The following APBB2 variants were observed in gnomAD, a reference collection of about 807,000 sequenced individuals.
APBB2 encodes amyloid beta precursor protein binding family B member 2.
Under a neutral mutation model 82.5 loss-of-function variants are expected in APBB2, and 38 were observed. The observed-to-expected ratio is 0.46, with a 90% CI of 0.36 to 0.60. The LOEUF is 0.60. APBB2 is among the 20% of genes least tolerant of loss of function. The pLI is 0.00. For missense variants in APBB2, 772 were observed against 972.3 expected (o/e 0.79, Z 2.74); for synonymous variants, 341 against 368.2 (o/e 0.93, Z 0.85).
chr4:41,165,817 C>G (rs1004555692), intron 1 of APBB2, among the ~76,000 whole-genome samples: 1 of 152,102 alleles, frequency 6.6e-6, no homozygotes, highest in African/African-American at 2.4e-5. Flanking sequence ...ACACGAACCC[C>G]TCCACCTGCT....
At chr4:40,861,325 G>A (rs1372888157) in intron 12 of APBB2, among the ~76,000 whole-genome samples, 1 of 151,596 alleles carries the variant, frequency 6.6e-6, no homozygotes, top group Non-Finnish European at 1.5e-5. Context: ...ACTCCAGCCT[G>A]GGTAACAGAA....
intron 6 of APBB2, among the ~76,000 whole-genome samples, chr4:40,979,147 T>C (rs1797890599): frequency 6.6e-6 from 1 of 152,236 alleles, no homozygotes; most frequent in African/African-American, 2.4e-5. Flanking sequence ...GAAGGCTATA[T>C]ACTTTTTTCT....
At chr4:41,194,666 AAAAT>A in intron 1 of APBB2, among the ~76,000 whole-genome samples, 1 of 143,112 alleles carries the variant, frequency 7.0e-6, no homozygotes, top group Admixed American at 6.7e-5. Context: ...CTTGCCTCAA[AAAAT>A]AAAATAAAAT....
intron 12 of APBB2, among the ~76,000 whole-genome samples, chr4:40,837,541 T>C (rs1180484207): frequency 6.6e-6 from 1 of 152,206 alleles, no homozygotes; most frequent in Non-Finnish European, 1.5e-5. Flanking sequence ...CAACAGCTTC[T>C]AGATTCCCAG....
chr4:40,861,197 A>C (rs894282023), intron 12 of APBB2, among the ~76,000 whole-genome samples: 2 of 152,020 alleles, frequency 1.3e-5, no homozygotes, highest in African/African-American at 4.8e-5. Flanking sequence ...CTAAAAATAC[A>C]AAATTAGCCG....
chr4:40,851,781 CA>C (rs1238492080), intron 12 of APBB2, among the ~76,000 whole-genome samples: 1 of 137,988 alleles, frequency 7.2e-6, no homozygotes, highest in African/African-American at 2.8e-5. Context: ...AAAGTTATCT[CA>C]AAACTCAAGT....
At chr4:40,995,162 T>C (rs1803297482) in intron 6 of APBB2, among the ~76,000 whole-genome samples, 1 of 152,196 alleles carries the variant, frequency 6.6e-6, no homozygotes, top group Non-Finnish European at 1.5e-5. Flanking sequence ...AACAAGCTTA[T>C]GCTTGGGTTT....
intron 1 of APBB2, among the ~76,000 whole-genome samples, chr4:41,156,342 T>C (rs1280446126): frequency 6.6e-6 from 1 of 152,212 alleles, no homozygotes; most frequent in African/African-American, 2.4e-5. Flanking sequence ...ATATCATTTT[T>C]AACATAAAAG....
intron 2 of APBB2, among the ~76,000 whole-genome samples, chr4:41,132,647 T>C (rs1368469073): frequency 6.6e-6 from 1 of 152,204 alleles, no homozygotes; most frequent in Non-Finnish European, 1.5e-5. Flanking sequence ...TCATTGTCCT[T>C]CAAATTACAT....
chr4:41,117,657 A>G (rs532722526), intron 2 of APBB2, among the ~76,000 whole-genome samples: 2 of 152,204 alleles, frequency 1.3e-5, no homozygotes, highest in East Asian at 3.9e-4. Flanking sequence ...GACTTGCCCA[A>G]GTCATAGGAT....
rs35548187 is a variant in APBB2 at position 40,912,578 on chromosome 4, T to TA, written c.1255-19168dup. Among the ~76,000 whole-genome samples, 387 of 124,850 alleles carry TA rather than the reference T, an allele frequency of 3.1e-3. 1 individual carries two copies. Among genetic ancestry groups the TA allele is most frequent in the East Asian group, 0.015 (62 of 4,086 alleles). The allele number at this position is 124,850 out of a possible 152,430, so 81.9% of individuals were successfully genotyped here. On this transcript the variant is annotated intron_variant, in intron 10 of 17. Transcript: ENST00000508593. ...GCTGACAGAGCAAGATTCCTTCTCATAAAAAAAAAAAAAAAGGACAGCTCA... is the reference window on the plus strand; with the variant it reads ...GCTGACAGAGCAAGATTCCTTCTCATAAAAAAAAAAAAAAAAGGACAGCTCA...
intron 5 of APBB2, among the ~76,000 whole-genome samples, chr4:41,018,160 T>C (rs1003431102): frequency 6.6e-6 from 1 of 152,048 alleles, no homozygotes; most frequent in East Asian, 1.9e-4. Flanking sequence ...CATAATCTTA[T>C]AGCTCCCTCC....
chr4:40,867,263 A>G (rs961931693), intron 12 of APBB2, among the ~76,000 whole-genome samples: 1 of 152,220 alleles, frequency 6.6e-6, no homozygotes, highest in Non-Finnish European at 1.5e-5. Context: ...CTTCTCCAGC[A>G]GAATGACCTT....
chr4:41,184,879 A>G (rs1772443153), intron 1 of APBB2, among the ~76,000 whole-genome samples: 1 of 152,232 alleles, frequency 6.6e-6, no homozygotes, highest in Admixed American at 6.5e-5. Context: ...CCAAACCTGC[A>G]TCACAGCTCA....
At chr4:40,884,998 C>A (rs752056481) in intron 12 of APBB2, among the ~76,000 whole-genome samples, 17 of 152,066 alleles carry the variant, frequency 1.1e-4, no homozygotes, top group Non-Finnish European at 2.5e-4. Context: ...TTCATCAAAA[C>A]CAGAAAAGAA....
chr4:41,012,754 T>A (rs1410939536), intron 6 of APBB2, among the ~76,000 whole-genome samples: 1 of 152,186 alleles, frequency 6.6e-6, no homozygotes, highest in African/African-American at 2.4e-5. Flanking sequence ...GGACTACTTT[T>A]AAAAAATTAG....
In APBB2 at chr4:40,917,381, G is replaced by C. The variant is rs573339367; in HGVS notation, c.1254+17075C>G. 4.6e-5 allele frequency among the ~76,000 whole-genome samples: 7 copies of C among 152,284 alleles called. No homozygotes were observed. In the South Asian group the frequency reaches 1.5e-3, roughly 32 times the overall value. On this transcript the variant is annotated intron_variant, in intron 10 of 17. Transcript: ENST00000508593. ...AAGGTCTCCCGGGCTGGAAGCAGCA[G>C]AGACGGGTGAACAGTGGGGTCCTCT...
At chr4:40,915,447 G>C (rs1779603732) in intron 10 of APBB2, among the ~76,000 whole-genome samples, 1 of 152,202 alleles carries the variant, frequency 6.6e-6, no homozygotes, top group Admixed American at 6.5e-5. Context: ...CGCAGAGCCT[G>C]ATCCTAGTGA....
intron 12 of APBB2, among the ~76,000 whole-genome samples, chr4:40,873,702 T>A (rs907638919): frequency 4.6e-5 from 7 of 152,358 alleles, no homozygotes; most frequent in African/African-American, 1.7e-4. Flanking sequence ...GCACTATTAT[T>A]CTCTGATTAA....
Sources: gnomAD v4.1 joint callset for allele counts (sites outside exome capture counted in the v4.1 genomes callset) on GRCh38, gnomAD v4.1.1 for gene constraint, MANE v1.5 for transcripts, NCBI Gene and HGNC (gene_info 2026-07-23, HGNC 2026-07-21) for gene names.